Variants in ARHGAP22 observed in about 807,000 individuals in gnomAD.
ARHGAP22 encodes the protein rho GTPase-activating protein 22.
Under a neutral mutation model 59.1 loss-of-function variants are expected in ARHGAP22, and 48 were observed. The observed-to-expected ratio is 0.81, with a 90% CI of 0.64 to 1.03. ARHGAP22 has a LOEUF of 1.03. Among genes scored for constraint, ARHGAP22 ranks in the 50% least tolerant of loss-of-function variants. The pLI is 0.00. For synonymous variants in ARHGAP22, 445 were observed against 416.4 expected, an observed-to-expected ratio of 1.07 and a Z score of -0.84; for missense variants, 1,015 against 958.7, an observed-to-expected ratio of 1.06 and a Z score of -0.78.
chr10:48,522,915 C>T (rs1366503019), intron 3 of ARHGAP22, among the ~76,000 whole-genome samples: 1 of 152,184 alleles, frequency 6.6e-6, no homozygotes, highest in East Asian at 1.9e-4. Context: ...TTCCCTTGAC[C>T]TCTCTACGTC....
chr10:48,650,088 T>G (rs2062491845), intron 1 of ARHGAP22, among the ~76,000 whole-genome samples: 2 of 140,364 alleles, frequency 1.4e-5, no homozygotes, highest in Non-Finnish European at 3.1e-5. Flanking sequence ...CACACAGAGG[T>G]GCTAACCGAG....
chr10:48,516,669 A>G (rs902912720), intron 3 of ARHGAP22, among the ~76,000 whole-genome samples: 19 of 152,376 alleles, frequency 1.2e-4, no homozygotes, highest in East Asian at 7.7e-4. Flanking sequence ...TGTATTACTG[A>G]ACATTTTAAG....
At chr10:48,481,114 G>A (rs1014409074) in intron 3 of ARHGAP22, among the ~76,000 whole-genome samples, 12 of 152,240 alleles carry the variant, frequency 7.9e-5, no homozygotes, top group South Asian at 2.1e-4. Context: ...TCAGGCAGCC[G>A]CTGGGCAGCA....
chr10:48,448,877 C>A (rs1047066053), intron 9 of ARHGAP22, among the ~76,000 whole-genome samples: 1 of 152,196 alleles, frequency 6.6e-6, no homozygotes, highest in African/African-American at 2.4e-5. Context: ...GTTTCCCGAG[C>A]GCTCTCATCC....
upstream of ARHGAP22, among the ~76,000 whole-genome samples, chr10:48,606,941 C>A (rs1324781259): frequency 6.6e-6 from 1 of 152,186 alleles, no homozygotes; most frequent in African/African-American, 2.4e-5. Context: ...CCAAGAAACA[C>A]CACTGAATGA....
intron 3 of ARHGAP22, among the ~76,000 whole-genome samples, chr10:48,496,327 C>T (rs567433148): frequency 6.6e-5 from 10 of 152,022 alleles, no homozygotes; most frequent in Non-Finnish European, 1.0e-4. Flanking sequence ...AAGATGGGGA[C>T]GGTAATAACA....
At position 48,544,378 on chromosome 10, in the gene ARHGAP22, C is replaced by T. The variant is rs185343223; in HGVS notation, c.322+11085G>A. Among the ~76,000 whole-genome samples the T allele has an allele frequency of 1.4e-4, 21 of 152,224 alleles. No homozygotes were observed. In the East Asian group the frequency reaches 2.1e-3, roughly 15 times the overall value. On this transcript the variant is annotated intron_variant, in intron 3 of 9. Coordinates refer to ENST00000249601, the MANE Select transcript of ARHGAP22 (RefSeq NM_021226.4). ...GCTCCCACCCCCTCCCCATCCCTGC[C>T]GTTCTTTCTTTGTTCATCCTTCCTT...
chr10:48,439,204 C>CT, the ARHGAP22 span: 1 of 150,950 alleles, frequency 6.6e-6, no homozygotes, highest in Non-Finnish European at 1.5e-5. Context: ...AAATGGGGCA[C>CT]TTTTTAGGGA....
intron 3 of ARHGAP22, among the ~76,000 whole-genome samples, chr10:48,500,878 G>C (rs1247543864): frequency 7.1e-6 from 1 of 141,100 alleles, no homozygotes; most frequent in Non-Finnish European, 1.5e-5. Flanking sequence ...GTGACACAGT[G>C]AGACTCCGCC....
At chr10:48,487,794 C>T (rs929043720) in intron 3 of ARHGAP22, among the ~76,000 whole-genome samples, 4 of 152,212 alleles carry the variant, frequency 2.6e-5, no homozygotes, top group African/African-American at 7.2e-5. Context: ...GCACCAGGCA[C>T]AGTGGCTCAC....
At chr10:48,540,230 G>C (rs532807207) in intron 3 of ARHGAP22, among the ~76,000 whole-genome samples, 5 of 152,310 alleles carry the variant, frequency 3.3e-5, no homozygotes, top group African/African-American at 1.2e-4. Flanking sequence ...ACCCCATAGA[G>C]ATCAGGCAGG....
At chr10:48,531,045 G>C (rs1474685946) in intron 3 of ARHGAP22, among the ~76,000 whole-genome samples, 1 of 152,152 alleles carries the variant, frequency 6.6e-6, no homozygotes, top group South Asian at 2.1e-4. Flanking sequence ...TCAAAGAGTG[G>C]ATAAAGAAAA....
At chr10:48,519,153 G>A (rs2053574819) in intron 3 of ARHGAP22, among the ~76,000 whole-genome samples, 2 of 152,170 alleles carry the variant, frequency 1.3e-5, no homozygotes, top group Admixed American at 1.3e-4. Context: ...TGAGGACTGT[G>A]GCTCCCCGAA....
upstream of ARHGAP22, among the ~76,000 whole-genome samples, chr10:48,607,917 T>C (rs2060737513): frequency 6.6e-6 from 1 of 152,208 alleles, no homozygotes; most frequent in Non-Finnish European, 1.5e-5. Context: ...GCACACCTGT[T>C]GGTGGGATGG....
Position 48,451,574 on chromosome 10 carries a change from T to C in ARHGAP22, c.989-434A>G, listed in dbSNP as rs766722727. 6.1e-5 allele frequency: 43 copies of C among 702,294 alleles called. 1 individual carries two copies. The highest frequency in any genetic ancestry group is 4.6e-4 in the Middle Eastern group (2 of 4,370). 43.5% of individuals were successfully genotyped at this position (702,294 alleles called of 1,614,324 possible). A position where few individuals can be genotyped will look rare whatever the true frequency, so the allele number is the denominator to read the frequency against. On this transcript the variant is annotated intron_variant, in intron 8 of 9. Transcript: ENST00000249601. ...CCTGAATGTCCACACTCTGGGAGCA[T>C]AGGGCTCTGGGACAGGGAATAGAGC...
chr10:48,480,467 G>A (rs1033431787), intron 3 of ARHGAP22, among the ~76,000 whole-genome samples: 1 of 152,234 alleles, frequency 6.6e-6, no homozygotes, highest in Non-Finnish European at 1.5e-5. Context: ...GGTAATTTTA[G>A]GGTTTTCAAG....
At chr10:48,565,014 T>C (rs564584010) in intron 2 of ARHGAP22, among the ~76,000 whole-genome samples, 1 of 152,340 alleles carries the variant, frequency 6.6e-6, no homozygotes, top group East Asian at 1.9e-4. Context: ...GACAATGATT[T>C]CTACTGACAT....
chr10:48,603,597 G>A (rs1279934794), intron 1 of ARHGAP22, among the ~76,000 whole-genome samples: 4 of 152,220 alleles, frequency 2.6e-5, no homozygotes, highest in African/African-American at 9.7e-5. Context: ...GTGGGAGGGT[G>A]GAACTAAGCT....
chr10:48,633,392 A>G (rs1290991691), intron 1 of ARHGAP22, among the ~76,000 whole-genome samples: 1 of 152,236 alleles, frequency 6.6e-6, no homozygotes, highest in African/African-American at 2.4e-5. Context: ...GTTTTCAAAA[A>G]ATTCCCAAAG....
Sources: gnomAD v4.1 joint callset for allele counts (sites outside exome capture counted in the v4.1 genomes callset) on GRCh38, gnomAD v4.1.1 for gene constraint, MANE v1.5 for transcripts, NCBI Gene and HGNC (gene_info 2026-07-23, HGNC 2026-07-21) for gene names.